P3H2: variants seen among roughly 807,000 people sequenced by gnomAD.
The protein encoded by P3H2 is prolyl 3-hydroxylase 2.
Under a neutral mutation model 87.0 loss-of-function variants are expected in P3H2, and 80 were observed. That is an observed-to-expected ratio of 0.92 (90% CI 0.77 to 1.11). The LOEUF is 1.11. P3H2 is among the 50% of genes least tolerant of loss of function. The probability of loss-of-function intolerance (pLI) is 0.00; values close to 1 mark genes in which losing one functional copy is unlikely to be tolerated. For missense variants in P3H2, 1,001 were observed against 923.9 expected (o/e 1.08, Z -1.08); for synonymous variants, 367 against 359.3 (o/e 1.02, Z -0.24).
chr3:190,005,203 G>T (rs1179249252), intron 1 of P3H2, among the ~76,000 whole-genome samples: 2 of 152,172 alleles, frequency 1.3e-5, no homozygotes, highest in African/African-American at 2.4e-5. Flanking sequence ...TCAAAAGTTT[G>T]TTGCTGTGTC....
At chr3:190,022,955 T>C (rs1230548627) in intron 1 of P3H2, among the ~76,000 whole-genome samples, 4 of 151,938 alleles carry the variant, frequency 2.6e-5, no homozygotes, top group Non-Finnish European at 5.9e-5. Context: ...GCCTCCCGAG[T>C]AGCTGGGACT....
At chr3:189,985,495 C>CTA (rs1032730701) in intron 6 of P3H2, among the ~76,000 whole-genome samples, 4 of 151,290 alleles carry the variant, frequency 2.6e-5, no homozygotes, top group African/African-American at 9.7e-5. Flanking sequence ...AGCTATGAGA[C>CTA]TTTAGAGTAG....
chr3:190,091,248 T>C (rs1178843342), intron 1 of P3H2, among the ~76,000 whole-genome samples: 2 of 152,228 alleles, frequency 1.3e-5, no homozygotes, highest in Admixed American at 6.5e-5. Context: ...AGGTACAGCA[T>C]TAAGCTCAAA....
chr3:189,957,437 TTAATTGTGTGTG>T lies in P3H2; in HGVS notation c.*463_*474del. On this transcript the variant is annotated 3_prime_UTR_variant, in exon 15 of 15. Coordinates refer to ENST00000319332, the MANE Select transcript of P3H2 (RefSeq NM_018192.4). ...TCTAAGCTTTTGAATTTGCAGCAAC[TTAATTGTGTGTG>T]TGTGTGTGTGTGTGTGTGTGTGTGT... The T allele has an allele frequency of 3.0e-6, 1 of 334,182 alleles. No homozygotes were observed. The highest frequency in any genetic ancestry group is 5.1e-6 in the Non-Finnish European group (1 of 196,936). The allele number at this position is 334,182 out of a possible 1,614,324, so 20.7% of individuals were successfully genotyped here.
rs879286759 is a variant in P3H2, at chr3:189,973,507, C to CTTTTT, written c.1548+401_1548+402insAAAAA. Among the ~76,000 whole-genome samples, 236 of 78,924 alleles carry CTTTTT rather than the reference C, an allele frequency of 3.0e-3. 11 individuals are homozygous for CTTTTT. The highest frequency in any genetic ancestry group is 6.9e-3 in the South Asian group (13 of 1,890). The allele number at this position is 78,924 out of a possible 152,430, so 51.8% of individuals were successfully genotyped here. Reference sequence around the variant, plus strand: ...TCAAAACTTTTTTCTTTCTTTCTTTCTTTCTTTTTTTTTTTTTTTTTTTTT... The same window carrying CTTTTT: ...TCAAAACTTTTTTCTTTCTTTCTTTCTTTTTTTTCTTTTTTTTTTTTTTTTTTTTT... On this transcript the variant is annotated intron_variant, in intron 10 of 14. Transcript: ENST00000319332.
intron 1 of P3H2, among the ~76,000 whole-genome samples, chr3:190,102,761 T>G (rs1711676174): frequency 6.6e-6 from 1 of 152,200 alleles, no homozygotes; most frequent in Admixed American, 6.5e-5. Context: ...AAGTTTACTG[T>G]GAGTAAAATG....
At chr3:189,965,673 A>G (rs1010400655) in intron 13 of P3H2, among the ~76,000 whole-genome samples, 3 of 152,090 alleles carry the variant, frequency 2.0e-5, no homozygotes, top group African/African-American at 7.2e-5. Flanking sequence ...GAAAGGTAAA[A>G]CCTGTGAAGT....
intron 13 of P3H2, chr3:189,969,921 GC>G (rs2108906979): frequency 1.2e-6 from 1 of 813,212 alleles, no homozygotes; most frequent in South Asian, 1.4e-5. Context: ...AATGAAGTGG[GC>G]CAAAGAGCGG....
intron 1 of P3H2, among the ~76,000 whole-genome samples, chr3:190,100,244 C>A (rs1364373133): frequency 1.1e-5 from 1 of 91,842 alleles, no homozygotes. Flanking sequence ...CCCCGCCCCC[C>A]CCGCCGCCCC....
chr3:189,968,045 A>G (rs949307858), intron 13 of P3H2, among the ~76,000 whole-genome samples: 3 of 152,190 alleles, frequency 2.0e-5, no homozygotes, highest in Admixed American at 6.5e-5. Context: ...TGTCCCAACT[A>G]CTTAGATTTT....
intron 1 of P3H2, among the ~76,000 whole-genome samples, chr3:190,095,321 T>C (rs1442828781): frequency 4.4e-5 from 5 of 112,728 alleles, no homozygotes; most frequent in Non-Finnish European, 9.9e-5. Flanking sequence ...TATATATATA[T>C]ATATATATAT....
At chr3:190,020,632 C>T (rs1724905039) in intron 1 of P3H2, among the ~76,000 whole-genome samples, 1 of 133,664 alleles carries the variant, frequency 7.5e-6, no homozygotes, top group Admixed American at 7.7e-5. Context: ...GCCAGATACA[C>T]AGCAAAGTTA....
At chr3:190,044,820 A>C (rs779951045) in intron 1 of P3H2, among the ~76,000 whole-genome samples, 1 of 152,156 alleles carries the variant, frequency 6.6e-6, no homozygotes, top group Non-Finnish European at 1.5e-5. Context: ...ACTATGATTT[A>C]GCGGAGGGAA....
intron 1 of P3H2, among the ~76,000 whole-genome samples, chr3:190,051,065 G>A (rs780281362): frequency 6.6e-6 from 1 of 152,178 alleles, no homozygotes; most frequent in Non-Finnish European, 1.5e-5. Flanking sequence ...AGGTAGTGCA[G>A]GTCTTGTTAG....
chr3:189,991,722 T>C (rs1723883114), intron 3 of P3H2, among the ~76,000 whole-genome samples: 1 of 152,210 alleles, frequency 6.6e-6, no homozygotes, highest in Non-Finnish European at 1.5e-5. Flanking sequence ...AGAGAATGAA[T>C]GAAAACATAC....
At chr3:190,103,825 T>C (rs1711727597) in intron 1 of P3H2, among the ~76,000 whole-genome samples, 1 of 152,056 alleles carries the variant, frequency 6.6e-6, no homozygotes, top group Admixed American at 6.6e-5. Context: ...GAAGTCTTGC[T>C]CTGTCACCTA....
At chr3:190,037,160 AC>A (rs1378744855) in intron 1 of P3H2, among the ~76,000 whole-genome samples, 1 of 152,174 alleles carries the variant, frequency 6.6e-6, no homozygotes, top group Non-Finnish European at 1.5e-5. Context: ...TATTAAAAAA[AC>A]ATTGTGGTTG....
chr3:190,062,936 G>A (rs1363634724), intron 1 of P3H2, among the ~76,000 whole-genome samples: 1 of 152,116 alleles, frequency 6.6e-6, no homozygotes, highest in Non-Finnish European at 1.5e-5. Flanking sequence ...TGTGGAGCAG[G>A]CAGTAGTTGA....
At chr3:190,004,143 T>G (rs1211171730) in intron 1 of P3H2, among the ~76,000 whole-genome samples, 1 of 152,182 alleles carries the variant, frequency 6.6e-6, no homozygotes, top group Non-Finnish European at 1.5e-5. Context: ...ATCTAACTTG[T>G]GAGGTTGCCA....
Sources: gnomAD v4.1 joint callset for allele counts (sites outside exome capture counted in the v4.1 genomes callset) on GRCh38, gnomAD v4.1.1 for gene constraint, MANE v1.5 for transcripts, NCBI Gene and HGNC (gene_info 2026-07-23, HGNC 2026-07-21) for gene names.